The following UBXN2A variants were observed in gnomAD, a reference collection of about 807,000 sequenced individuals.
UBXN2A encodes UBX domain-containing protein 2A.
A neutral mutation model predicts 28.4 loss-of-function variants in UBXN2A; 28 were observed. The observed-to-expected ratio is 0.99, with a 90% CI of 0.73 to 1.35. The LOEUF (loss-of-function observed/expected upper bound fraction) is 1.35, where lower values mean the gene tolerates loss of function less well. UBXN2A is among the 40% of genes most tolerant of loss of function. UBXN2A has a pLI of 0.00. For synonymous variants in UBXN2A, 97 were observed against 103.6 expected, an observed-to-expected ratio of 0.94 and a Z score of 0.39; for missense variants, 253 against 297.9, an observed-to-expected ratio of 0.85 and a Z score of 1.11.
intron 4 of UBXN2A, among the ~76,000 whole-genome samples, chr2:23,978,327 C>G (rs906141519): frequency 2.0e-5 from 3 of 152,130 alleles, no homozygotes; most frequent in African/African-American, 7.2e-5. Context: ...GCTTGGGAGG[C>G]TGCCCGATTC....
At chr2:23,982,294 G>C (rs534843430) in intron 4 of UBXN2A, among the ~76,000 whole-genome samples, 1 of 151,974 alleles carries the variant, frequency 6.6e-6, no homozygotes, top group African/African-American at 2.4e-5. Flanking sequence ...GTGAACCCGG[G>C]AGGCGGAGCT....
intron 1 of UBXN2A, among the ~76,000 whole-genome samples, chr2:23,933,641 GGGCCCA>G (rs1705441428): frequency 6.6e-6 from 1 of 152,146 alleles, no homozygotes; most frequent in African/African-American, 2.4e-5. Flanking sequence ...AGGATCACTT[GGGCCCA>G]GGAGTTTGAG....
intron 6 of UBXN2A, among the ~76,000 whole-genome samples, chr2:23,986,090 C>T (rs984000258): frequency 4.6e-5 from 7 of 151,992 alleles, no homozygotes; most frequent in Non-Finnish European, 8.8e-5. Context: ...GGGTGGATCA[C>T]GAGGTCAGGA....
chr2:23,945,171 C>T (rs948128922), intron 1 of UBXN2A, among the ~76,000 whole-genome samples: 1 of 152,090 alleles, frequency 6.6e-6, no homozygotes, highest in African/African-American at 2.4e-5. Flanking sequence ...ATGTCTTGGT[C>T]AGCCCTGGAA....
intron 4 of UBXN2A, among the ~76,000 whole-genome samples, 181 bp from the exon 5 acceptor site, chr2:23,982,715 T>G (rs529379116): frequency 6.6e-6 from 1 of 152,314 alleles, no homozygotes; most frequent in Admixed American, 6.5e-5. Flanking sequence ...TATATTCCTG[T>G]GGGTTTTTGG....
intron 2 of UBXN2A, among the ~76,000 whole-genome samples, chr2:23,964,894 A>G (rs1245340556): frequency 6.6e-5 from 10 of 152,274 alleles, no homozygotes. Context: ...CTGTAATCCT[A>G]GCACTGTGGG....
rs1159417025 is a variant in UBXN2A, at chr2:23,971,324, A to G, written c.90A>G (p.Gln30=). The G allele has an allele frequency of 1.3e-6, 2 of 1,577,130 alleles. No individual in the cohort carries two copies. Among genetic ancestry groups the G allele is most frequent in the South Asian group, 1.2e-5 (1 of 86,132 alleles). Residue 30 remains glutamine, a synonymous_variant, in exon 3 of 7, where the codon CAA becomes CAG. Coordinates refer to ENST00000309033, the MANE Select transcript of UBXN2A (RefSeq NM_181713.4). ...SDNQPLGNNQ[Q]SNCEYFVDSL... ...ATCAACCTCTTGGTAATAATCAACA[A>G]TCAAATTGTGAATATTTTGTTGATA...
chr2:23,964,907 G>A (rs6723491), intron 2 of UBXN2A, among the ~76,000 whole-genome samples: 68,502 of 151,990 alleles, frequency 0.45, 16,335 homozygotes, highest in East Asian at 0.78. Flanking sequence ...ACTGTGGGAG[G>A]CCAAAGCAGG....
chr2:23,935,539 A>G (rs138251037), upstream of UBXN2A, among the ~76,000 whole-genome samples: 5 of 152,344 alleles, frequency 3.3e-5, no homozygotes, highest in African/African-American at 9.6e-5. Context: ...CCATAGTGAG[A>G]TACACTTCAT....
At chr2:23,947,414 AG>A (rs1407256983) in intron 1 of UBXN2A, among the ~76,000 whole-genome samples, 2 of 152,204 alleles carry the variant, frequency 1.3e-5, no homozygotes, top group African/African-American at 4.8e-5. Flanking sequence ...AGAAAAATGA[AG>A]GCAGTTCTTT....
chr2:23,962,655 G>T (rs112145585), intron 2 of UBXN2A, among the ~76,000 whole-genome samples: 17,646 of 148,736 alleles, frequency 0.12, 1,145 homozygotes, highest in Middle Eastern at 0.21. Flanking sequence ...GCCCAGGCTG[G>T]AGTGCAATGA....
At chr2:23,948,672 T>C (rs190117336) in intron 1 of UBXN2A, among the ~76,000 whole-genome samples, 11 of 152,298 alleles carry the variant, frequency 7.2e-5, no homozygotes, top group Admixed American at 7.2e-4. Context: ...ATGTCCATGC[T>C]ATAAGTTAGG....
At chr2:23,986,524 A>C (rs187932974) in intron 6 of UBXN2A, among the ~76,000 whole-genome samples, 2 of 152,220 alleles carry the variant, frequency 1.3e-5, no homozygotes, top group African/African-American at 4.8e-5. Context: ...CATTAAAAGA[A>C]ATTGAAGTTA....
chr2:23,950,475 C>T (rs568293426), intron 1 of UBXN2A, among the ~76,000 whole-genome samples: 1 of 152,044 alleles, frequency 6.6e-6, no homozygotes, highest in Non-Finnish European at 1.5e-5. Flanking sequence ...ATGATCTTGG[C>T]TCACTGCGAC....
upstream of UBXN2A, among the ~76,000 whole-genome samples, chr2:23,937,394 T>G (rs113444361): frequency 6.6e-6 from 1 of 152,002 alleles, no homozygotes; most frequent in African/African-American, 2.4e-5. Flanking sequence ...AAAAAATTTT[T>G]TTTTAATTGG....
At chr2:23,941,067 T>G (rs1445719677) in intron 1 of UBXN2A, among the ~76,000 whole-genome samples, 1 of 152,198 alleles carries the variant, frequency 6.6e-6, no homozygotes, top group Admixed American at 6.5e-5. Context: ...ACCACTCACT[T>G]TCTCTGATGT....
rs190608511 is a variant in UBXN2A at position 23,995,916 on chromosome 2, G to A, written c.585-3756G>A. On this transcript the variant is annotated intron_variant, in intron 6 of 6. Coordinates refer to ENST00000309033, the MANE Select transcript of UBXN2A (RefSeq NM_181713.4). ...ATTTTTTATTTATTTGTTTTTTTGA[G>A]ATGAATTCTTGTTCTGTCACCCAAT... Among the ~76,000 whole-genome samples the A allele has an allele frequency of 3.3e-3, 505 of 152,034 alleles. 3 individuals are homozygous for A. Among genetic ancestry groups the A allele is most frequent in the African/African-American group, 0.012 (488 of 41,468 alleles).
At chr2:23,993,931 G>A (rs746633813) in intron 6 of UBXN2A, among the ~76,000 whole-genome samples, 7 of 151,880 alleles carry the variant, frequency 4.6e-5, no homozygotes, top group African/African-American at 1.2e-4. Flanking sequence ...CTTGTGGTCC[G>A]CCTCGGCTTC....
intron 5 of UBXN2A, among the ~76,000 whole-genome samples, chr2:23,983,685 C>CT (rs950802551): frequency 1.7e-4 from 26 of 151,722 alleles, no homozygotes; most frequent in African/African-American, 5.8e-4. Flanking sequence ...TTATTGTTCT[C>CT]TTTTTTTTGA....
Sources: allele counts gnomAD v4.1 joint callset (sites outside exome capture counted in the v4.1 genomes callset), GRCh38; gene constraint gnomAD v4.1.1; transcripts MANE v1.5; gene names NCBI Gene and HGNC (gene_info 2026-07-23, HGNC 2026-07-21).